Variants in CCDC102A observed in about 807,000 individuals in gnomAD.
The protein encoded by CCDC102A is coiled-coil domain-containing protein 102A.
CCDC102A carries 40 observed loss-of-function variants against 55.5 expected under a neutral mutation model. That is an observed-to-expected ratio of 0.72 (90% confidence interval 0.56 to 0.94). CCDC102A has a LOEUF of 0.94. Among genes scored for constraint, CCDC102A ranks in the 40% least tolerant of loss-of-function variants. The pLI is 0.00. For missense variants in CCDC102A, 779 were observed against 768.6 expected (o/e 1.01, Z -0.16); for synonymous variants, 323 against 339.0 (o/e 0.95, Z 0.52).
intron 8 of CCDC102A, among the ~76,000 whole-genome samples, chr16:57,513,692 A>T (rs1427553903): frequency 1.3e-5 from 2 of 152,234 alleles, no homozygotes; most frequent in African/African-American, 4.8e-5. Context: ...CCCCAAGGCT[A>T]AGTGGTCTTT....
At chr16:57,522,334 G>A (rs2146705250) in intron 3 of CCDC102A, among the ~76,000 whole-genome samples, 1 of 152,234 alleles carries the variant, frequency 6.6e-6, no homozygotes, top group Middle Eastern at 3.4e-3. Flanking sequence ...AAGTGCAAGT[G>A]CCCAGCTCAT....
chr16:57,512,937 G>A (rs2031892617), intron 8 of CCDC102A, 67 bp from the exon 9 acceptor site: 1 of 1,430,224 alleles, frequency 7.0e-7, no homozygotes, highest in South Asian at 1.2e-5. Context: ...GGTGGCTGCA[G>A]CTGGTGCTGG....
At chr16:57,515,094 T>A (rs1315012051) in intron 8 of CCDC102A, among the ~76,000 whole-genome samples, 1 of 151,890 alleles carries the variant, frequency 6.6e-6, no homozygotes, top group East Asian at 1.9e-4. Context: ...CTGCCCTCAC[T>A]CTACCCACCA....
At chr16:57,527,423 T>TTG (rs1410313373) in intron 2 of CCDC102A, among the ~76,000 whole-genome samples, 13 of 151,662 alleles carry the variant, frequency 8.6e-5, no homozygotes, top group Non-Finnish European at 1.8e-4. Context: ...TGCTGCTTTT[T>TTG]TTTTTTTTTT....
In CCDC102A at chr16:57,512,863, TG is replaced by T. The variant is rs759700890; in HGVS notation, c.1530del (p.Arg511GlyfsTer166). Reference sequence around the variant, plus strand: ...AAGAGGGGAGCGTTCTGCTGCTGCCTGCGGAGCCTGTGGGGTGGGGGTGACA... The same window carrying T: ...AAGAGGGGAGCGTTCTGCTGCTGCCTCGGAGCCTGTGGGGTGGGGGTGACA... ...VQLEHLQSRL[R>X]RQQQNAPLFG... On this transcript the variant is annotated frameshift_variant, in exon 9 of 9. Transcript: ENST00000258214. LOFTEE classifies it high-confidence loss of function. 15 of 1,613,278 alleles carry T rather than the reference TG, an allele frequency of 9.3e-6. No individual in the cohort carries two copies. The highest frequency in any genetic ancestry group is 1.3e-5 in the African/African-American group (1 of 74,940).
At chr16:57,533,683 C>T (rs1417533865) in intron 1 of CCDC102A, among the ~76,000 whole-genome samples, 1 of 151,740 alleles carries the variant, frequency 6.6e-6, no homozygotes, top group African/African-American at 2.4e-5. Context: ...CACACACAGC[C>T]CCAGTAACGT....
At chr16:57,519,185 T>C (rs2146701802) in intron 4 of CCDC102A, among the ~76,000 whole-genome samples, 1 of 152,334 alleles carries the variant, frequency 6.6e-6, no homozygotes, top group South Asian at 2.1e-4. Context: ...CAGGGACTCC[T>C]TTCTGTTCCT....
intron 3 of CCDC102A, among the ~76,000 whole-genome samples, chr16:57,524,257 G>A (rs1328803314): frequency 6.6e-6 from 1 of 151,926 alleles, no homozygotes; most frequent in East Asian, 1.9e-4. Flanking sequence ...GGCCAGTGCT[G>A]GGGCCGCCAC....
intron 4 of CCDC102A, among the ~76,000 whole-genome samples, chr16:57,520,359 T>C (rs1598072795): frequency 6.6e-6 from 1 of 152,202 alleles, no homozygotes; most frequent in East Asian, 1.9e-4. Context: ...TTGCCTCAAA[T>C]GCCACCTTCT....
At chr16:57,525,148 T>C (rs1048319587) in intron 3 of CCDC102A, among the ~76,000 whole-genome samples, 3 of 152,118 alleles carry the variant, frequency 2.0e-5, no homozygotes, top group African/African-American at 7.2e-5. Flanking sequence ...CAGGATGGAG[T>C]GCAGTGGCAC....
chr16:57,525,749 T>G, intron 3 of CCDC102A, 152 bp downstream of exon 3: 1 of 710,596 alleles, frequency 1.4e-6, no homozygotes, highest in South Asian at 1.8e-5. Context: ...AAACTTGCAC[T>G]GAGTTCTTGG....
chr16:57,532,214 T>A (rs2032279763), intron 1 of CCDC102A, among the ~76,000 whole-genome samples: 1 of 152,166 alleles, frequency 6.6e-6, no homozygotes. Flanking sequence ...GGTGTGGAGC[T>A]TGGAATTTGC....
chr16:57,536,669 G>T (rs2032399968), upstream of CCDC102A: 1 of 152,144 alleles, frequency 6.6e-6, no homozygotes, highest in Admixed American at 6.5e-5. Context: ...CGAAGCGGTC[G>T]CAGGCTGCGG....
chr16:57,536,216 C>G (rs1185099303), intron 1 of CCDC102A, among the ~76,000 whole-genome samples: 1 of 152,034 alleles, frequency 6.6e-6, no homozygotes, highest in Non-Finnish European at 1.5e-5. Flanking sequence ...GCCGCCCCCT[C>G]CCGTCCGGCC....
rs1242499665 is a variant in CCDC102A at position 57,515,455 on chromosome 16, G to A, written c.1420-11C>T. 3 of 1,576,142 alleles carry A rather than the reference G, an allele frequency of 1.9e-6. No individual in the cohort carries two copies. Among genetic ancestry groups the A allele is most frequent in the African/African-American group, 1.3e-5 (1 of 74,516 alleles). On this transcript the variant is annotated splice_polypyrimidine_tract_variant and intron_variant, in intron 7 of 8. Coordinates refer to ENST00000258214, the MANE Select transcript of CCDC102A (RefSeq NM_033212.4). ...GTGGGCCTCGTCCAGCTGTGGGGGT[G>A]AGCAGGGCCGAAAGCACGAGGGTCA...
At chr16:57,532,922 G>T (rs1234086645) in intron 1 of CCDC102A, among the ~76,000 whole-genome samples, 2 of 152,220 alleles carry the variant, frequency 1.3e-5, no homozygotes, top group Non-Finnish European at 2.9e-5. Context: ...CCTTCTTGCA[G>T]CCGCTGAACT....
chr16:57,526,007 G>GA lies in CCDC102A; in HGVS notation c.705_706insT (p.Arg236SerfsTer26). 1.9e-6 allele frequency: 3 copies of GA among 1,606,960 alleles called. No individual in the cohort carries two copies. The highest frequency in any genetic ancestry group is 2.5e-6 in the Non-Finnish European group (3 of 1,177,372). ...GCAGCTGTGTCCTCCCAGGGTAGCC[G>GA]GCTGCGCTCCTGGCGGCCTGAGCTG... On this transcript the variant is annotated frameshift_variant, in exon 3 of 9. Transcript: ENST00000258214. LOFTEE classifies it high-confidence loss of function.
intron 1 of CCDC102A, among the ~76,000 whole-genome samples, chr16:57,530,831 C>T (rs530808134): frequency 5.9e-5 from 9 of 152,032 alleles, no homozygotes; most frequent in East Asian, 3.9e-4. Flanking sequence ...CCACACTCGC[C>T]GTCTCCACTC....
intron 2 of CCDC102A, 74 bp downstream of exon 2, chr16:57,528,519 A>G (rs2032184146): frequency 1.9e-6 from 2 of 1,044,218 alleles, no homozygotes; most frequent in Non-Finnish European, 1.2e-6. Flanking sequence ...CTTGTTTCTG[A>G]GCCCAGCAGC....
Sources: gnomAD v4.1 joint callset for allele counts (sites outside exome capture counted in the v4.1 genomes callset) on GRCh38, gnomAD v4.1.1 for gene constraint, MANE v1.5 for transcripts, NCBI Gene and HGNC (gene_info 2026-07-23, HGNC 2026-07-21) for gene names.